Variants in SMIM13 observed in about 807,000 individuals in gnomAD.
The protein encoded by SMIM13 is UPF0766 protein C6orf228.
SMIM13 carries 3 observed loss-of-function variants against 5.9 expected under a neutral mutation model. That is an observed-to-expected ratio of 0.51 (90% CI 0.23 to 1.31). The LOEUF (loss-of-function observed/expected upper bound fraction) is 1.31. Among genes scored for constraint, SMIM13 ranks in the 40% most tolerant of loss-of-function variants. The pLI is 0.18. For missense variants in SMIM13, 85 were observed against 109.9 expected (o/e 0.77, Z 1.01); for synonymous variants, 55 against 46.0 (o/e 1.19, Z -0.79).
chr6:11,135,256 A>G lies in SMIM13; in HGVS notation c.*654A>G, dbSNP rs984946644. ...TCGCTGGAGAAATGATCGCAATTCC[A>G]TATTTTCCTGCAAAGCAACAACAAA... On this transcript the variant is annotated 3_prime_UTR_variant, in exon 2 of 2. Coordinates refer to ENST00000416247, the MANE Select transcript of SMIM13 (RefSeq NM_001135575.2). The G allele has an allele frequency of 6.6e-6, 1 of 152,670 alleles. No homozygotes were observed. The highest frequency in any genetic ancestry group is 2.4e-5 in the African/African-American group (1 of 41,470). 9.5% of individuals were successfully genotyped at this position (152,670 alleles called of 1,614,324 possible). A position where few individuals can be genotyped will look rare whatever the true frequency, so the allele number is the denominator to read the frequency against.
intron 1 of SMIM13, among the ~76,000 whole-genome samples, chr6:11,118,795 A>G (rs1217294736): frequency 6.6e-6 from 1 of 152,218 alleles, no homozygotes; most frequent in Non-Finnish European, 1.5e-5. Flanking sequence ...ATGAGTACTT[A>G]TTATGTTTTA....
At chr6:11,112,571 C>A (rs186855937) in intron 1 of SMIM13, among the ~76,000 whole-genome samples, 155 of 152,180 alleles carry the variant, frequency 1.0e-3, no homozygotes, top group African/African-American at 3.4e-3. Context: ...TTTCCATAAA[C>A]ATAAATTTAC....
chr6:11,129,155 C>A (rs1003157093), intron 1 of SMIM13, among the ~76,000 whole-genome samples: 27 of 151,914 alleles, frequency 1.8e-4, no homozygotes, highest in Non-Finnish European at 7.4e-5. Flanking sequence ...TATTTTTATA[C>A]CCACTAATCA....
intron 1 of SMIM13, among the ~76,000 whole-genome samples, chr6:11,113,510 AGTTTTTTTTGT>A (rs894290753): frequency 1.3e-5 from 2 of 151,990 alleles, no homozygotes; most frequent in African/African-American, 4.8e-5. Context: ...TCTGGATACA[AGTTTTTTTTGT>A]TTGTTTTTAT....
chr6:11,122,773 C>A (rs1045960965), intron 1 of SMIM13, among the ~76,000 whole-genome samples: 1 of 152,144 alleles, frequency 6.6e-6, no homozygotes, highest in South Asian at 2.1e-4. Flanking sequence ...AAAATAATTG[C>A]CTGTCTGGGT....
intron 1 of SMIM13, chr6:11,105,520 A>G: frequency 1.8e-6 from 1 of 540,796 alleles, no homozygotes; most frequent in Non-Finnish European, 3.4e-6. Flanking sequence ...AGTGCCTTGC[A>G]AGTGTATTCC....
Position 11,094,358 on chromosome 6 carries a change from G to A in SMIM13, c.45G>A (p.Thr15=), listed in dbSNP as rs376145063. 40 of 1,537,022 alleles carry A rather than the reference G, an allele frequency of 2.6e-5. No homozygotes were observed. The highest frequency in any genetic ancestry group is 3.2e-5 in the Non-Finnish European group (37 of 1,143,638). Residue 15 remains threonine (T), a synonymous_variant, in exon 1 of 2, where the codon ACG becomes ACA. Transcript: ENST00000416247. Reference sequence around the variant, plus strand: ...TGACTCTGCTTGTGTTCGTGGCCACGCTGCTGATCGTCCTGCTGCTGATGG... The same window carrying A: ...TGACTCTGCTTGTGTTCGTGGCCACACTGCTGATCGTCCTGCTGCTGATGG... ...VGLTLLVFVA[T]LLIVLLLMVC... is the part of the protein sequence containing the mutation.
intron 1 of SMIM13, among the ~76,000 whole-genome samples, chr6:11,134,192 CTA>C (rs1758488288): frequency 6.6e-6 from 1 of 152,158 alleles, no homozygotes; most frequent in Non-Finnish European, 1.5e-5. Context: ...ATTCTAAATT[CTA>C]TGAGGGTAGA....
At position 11,135,380 on chromosome 6, in the gene SMIM13, G is replaced by A. The variant is rs1458747941; in HGVS notation, c.*778G>A. The stretch of plus-strand genomic sequence containing the variant: ...CGTGCAAAAGGATTGCCTATCACAC[G>A]CCAAGCAATGCAATTGAAGGCAGGA... On this transcript the variant is annotated 3_prime_UTR_variant, in exon 2 of 2. Transcript: ENST00000416247. 3 of 152,542 alleles carry A rather than the reference G, an allele frequency of 2.0e-5. No homozygotes were observed. Among genetic ancestry groups the A allele is most frequent in the Non-Finnish European group, 4.4e-5 (3 of 68,020 alleles). 9.4% of individuals were successfully genotyped at this position (152,542 alleles called of 1,614,324 possible).
rs184367689 is a variant in SMIM13 at position 11,109,182 on chromosome 6, A to G, written c.76+14793A>G. ...TTCTCCCTTAGGCAGAGTTTGCCCT[A>G]GTATGACTGAGAGGTCCCTCCTGGT... is the stretch of plus-strand genomic sequence containing the variant. On this transcript the variant is annotated intron_variant, in intron 1 of 1. Transcript: ENST00000416247. Among the ~76,000 whole-genome samples, 232 of 152,386 alleles carry G rather than the reference A, an allele frequency of 1.5e-3. 2 individuals are homozygous for G. The highest frequency in any genetic ancestry group is 2.6e-3 in the Non-Finnish European group (179 of 68,042).
intron 1 of SMIM13, among the ~76,000 whole-genome samples, chr6:11,097,436 A>G (rs1056377549): frequency 6.6e-6 from 1 of 151,764 alleles, no homozygotes; most frequent in African/African-American, 2.4e-5. Flanking sequence ...CAGGCAGATC[A>G]CCTGAGATCA....
intron 1 of SMIM13, among the ~76,000 whole-genome samples, chr6:11,108,080 G>A (rs1311350050): frequency 6.6e-6 from 1 of 152,166 alleles, no homozygotes. Context: ...AAGGTTAACT[G>A]AGCCCCTAGT....
chr6:11,103,796 A>G, intron 1 of SMIM13: 1 of 1,551,676 alleles, frequency 6.4e-7, no homozygotes, highest in Non-Finnish European at 8.7e-7. Context: ...GGGTTATTAG[A>G]TTTAGGAGAC....
intron 1 of SMIM13, chr6:11,105,491 G>T: frequency 1.7e-6 from 1 of 590,684 alleles, no homozygotes; most frequent in South Asian, 2.3e-5. Flanking sequence ...TTTGTTTAAA[G>T]AGGAATTTTA....
At chr6:11,103,497 G>T in intron 1 of SMIM13, 1 of 738,270 alleles carries the variant, frequency 1.4e-6, no homozygotes, top group Non-Finnish European at 2.0e-6. Flanking sequence ...GAAAATGGAC[G>T]AAGGTCAGTC....
intron 1 of SMIM13, among the ~76,000 whole-genome samples, chr6:11,106,887 C>T (rs1033651392): frequency 1.3e-5 from 2 of 152,122 alleles, no homozygotes; most frequent in African/African-American, 4.8e-5. Context: ...TTAGGTACAC[C>T]CTCTCCTTCC....
intron 1 of SMIM13, among the ~76,000 whole-genome samples, chr6:11,133,340 G>T (rs899051119): frequency 1.4e-4 from 21 of 152,092 alleles, no homozygotes; most frequent in Admixed American, 1.2e-3. Context: ...AATCTCCGAA[G>T]TTTGTCTTTA....
chr6:11,094,447 G>A, intron 1 of SMIM13, 58 bp downstream of exon 1: 1 of 1,273,740 alleles, frequency 7.9e-7, no homozygotes, highest in Non-Finnish European at 1.1e-6. Context: ...GATCTGCTGG[G>A]GTTTTTTTTG....
At chr6:11,099,711 A>G (rs1375573691) in intron 1 of SMIM13, among the ~76,000 whole-genome samples, 1 of 152,214 alleles carries the variant, frequency 6.6e-6, no homozygotes, top group Non-Finnish European at 1.5e-5. Context: ...TACAACAGAT[A>G]AGAGTTTATT....
Sources: gnomAD v4.1 joint callset for allele counts (sites outside exome capture counted in the v4.1 genomes callset) on GRCh38, gnomAD v4.1.1 for gene constraint, MANE v1.5 for transcripts, NCBI Gene and HGNC (gene_info 2026-07-23, HGNC 2026-07-21) for gene names.